Variants in PPP3CA observed in about 807,000 individuals in gnomAD.
The protein encoded by PPP3CA is protein phosphatase 3 catalytic subunit alpha, also known as CAM-PRP catalytic subunit.
A neutral mutation model predicts 66.5 loss-of-function variants in PPP3CA; 14 were observed. The ratio of observed to expected loss-of-function variants is 0.21; its 90% CI spans 0.14 to 0.33. The LOEUF (loss-of-function observed/expected upper bound fraction) is 0.33. Ranked by LOEUF, PPP3CA falls within the 10% of genes least tolerant of loss-of-function variation. The pLI, the probability that PPP3CA is intolerant of heterozygous loss-of-function variation, is 1.00. For synonymous variants in PPP3CA, 232 were observed against 226.2 expected (o/e 1.03, Z -0.23); for missense variants, 317 against 639.5 (o/e 0.50, Z 5.44).
chr4:101,047,732 A>G (rs1039725150), intron 10 of PPP3CA, among the ~76,000 whole-genome samples: 9 of 152,086 alleles, frequency 5.9e-5, no homozygotes, highest in Non-Finnish European at 8.8e-5. Context: ...GGTTACAGGT[A>G]TGCTAAACTT....
chr4:101,075,772 C>T (rs1283232781), intron 8 of PPP3CA, among the ~76,000 whole-genome samples: 4 of 152,136 alleles, frequency 2.6e-5, no homozygotes, highest in Admixed American at 2.6e-4. Context: ...CAATTAGTCC[C>T]CATAGACTAA....
At chr4:101,284,168 T>C (rs1727765798) in intron 1 of PPP3CA, among the ~76,000 whole-genome samples, 1 of 152,196 alleles carries the variant, frequency 6.6e-6, no homozygotes, top group African/African-American at 2.4e-5. Flanking sequence ...GTTTGTTTTA[T>C]GTGTCTTTGG....
At chr4:101,271,297 T>C (rs558514000) in intron 1 of PPP3CA, among the ~76,000 whole-genome samples, 1 of 152,264 alleles carries the variant, frequency 6.6e-6, no homozygotes, top group Non-Finnish European at 1.5e-5. Flanking sequence ...TAAAATCCTT[T>C]CAGTAATTAT....
intron 1 of PPP3CA, among the ~76,000 whole-genome samples, chr4:101,342,136 G>A (rs1232762736): frequency 6.6e-6 from 1 of 151,986 alleles, no homozygotes; most frequent in African/African-American, 2.4e-5. Context: ...ATTTTAAAAG[G>A]CATATTTTTA....
intron 1 of PPP3CA, among the ~76,000 whole-genome samples, chr4:101,224,649 C>A (rs1036928612): frequency 6.6e-6 from 1 of 151,706 alleles, no homozygotes; most frequent in East Asian, 1.9e-4. Flanking sequence ...CCTGCCGTAG[C>A]TAATTTGAGG....
intron 2 of PPP3CA, among the ~76,000 whole-genome samples, chr4:101,175,900 C>T (rs1724043561): frequency 6.6e-6 from 1 of 152,016 alleles, no homozygotes; most frequent in African/African-American, 2.4e-5. Flanking sequence ...TTCCATTTTC[C>T]ACAGGAAATA....
Position 101,154,358 on chromosome 4 carries a change from A to C in PPP3CA, c.259+41558T>G, listed in dbSNP as rs114439929. Among the ~76,000 whole-genome samples the C allele has an allele frequency of 8.6e-3, 1,314 of 152,330 alleles. 11 individuals carry two copies. Among genetic ancestry groups the C allele is most frequent in the African/African-American group, 0.03 (1,258 of 41,564 alleles). On this transcript the variant is annotated intron_variant, in intron 2 of 13. Coordinates refer to ENST00000394854, the MANE Select transcript of PPP3CA (RefSeq NM_000944.5). The stretch of plus-strand genomic sequence containing the variant: ...TCAAGTAACAGAATTCTGACTAGTA[A>C]ATTTATAAACAGTATCAAAATTTAA...
chr4:101,285,288 T>A (rs1016303592), intron 1 of PPP3CA, among the ~76,000 whole-genome samples: 1 of 152,196 alleles, frequency 6.6e-6, no homozygotes, highest in Admixed American at 6.5e-5. Flanking sequence ...AATCATATCT[T>A]ATCAAGTAGT....
At chr4:101,092,578 C>T (rs1047035090) in intron 6 of PPP3CA, among the ~76,000 whole-genome samples, 2 of 151,970 alleles carry the variant, frequency 1.3e-5, no homozygotes, top group Non-Finnish European at 2.9e-5. Flanking sequence ...TAATAATATC[C>T]TTCCCCTAGC....
chr4:101,235,940 A>T lies in PPP3CA; in HGVS notation c.59-39824T>A, dbSNP rs553158292. Among the ~76,000 whole-genome samples, 5 of 152,024 alleles carry T rather than the reference A, an allele frequency of 3.3e-5. No homozygotes were observed. The South Asian group carries it at 1.0e-3, about 32-fold the overall frequency. ...TCTGCATTTAAAGGGCCTAAAAACA[A>T]AAAGCAAGTAAAAATGTCAAATTCA... On this transcript the variant is annotated intron_variant, in intron 1 of 13. Transcript: ENST00000394854.
In PPP3CA at chr4:101,143,283, C is replaced by T. The variant is rs531486029; in HGVS notation, c.260-34205G>A. Among the ~76,000 whole-genome samples, 4 of 152,214 alleles carry T rather than the reference C, an allele frequency of 2.6e-5. No homozygotes were observed. The South Asian group carries it at 8.3e-4, about 32-fold the overall frequency. On this transcript the variant is annotated intron_variant, in intron 2 of 13. Coordinates refer to ENST00000394854, the MANE Select transcript of PPP3CA (RefSeq NM_000944.5). ...GACTATTTTCTCAAGGATCACACTC[C>T]ATCATCAATTATTTACTCCCTTTCT...
intron 2 of PPP3CA, among the ~76,000 whole-genome samples, chr4:101,174,485 T>C (rs1578521229): frequency 6.6e-6 from 1 of 152,320 alleles, no homozygotes; most frequent in Middle Eastern, 3.4e-3. Context: ...TTCTAAAACA[T>C]CTTCTTGAAT....
intron 1 of PPP3CA, among the ~76,000 whole-genome samples, chr4:101,223,771 A>G (rs895675236): frequency 1.3e-5 from 2 of 151,934 alleles, no homozygotes; most frequent in African/African-American, 4.8e-5. Flanking sequence ...TAATATCATT[A>G]TAACAGCAAC....
intron 2 of PPP3CA, among the ~76,000 whole-genome samples, chr4:101,155,926 A>G (rs954456977): frequency 1.3e-5 from 2 of 152,214 alleles, no homozygotes; most frequent in African/African-American, 4.8e-5. Context: ...ATATTCATTG[A>G]GCTCTTATCA....
chr4:101,302,241 T>C (rs778664886), intron 1 of PPP3CA, among the ~76,000 whole-genome samples: 1 of 152,188 alleles, frequency 6.6e-6, no homozygotes, highest in Non-Finnish European at 1.5e-5. Context: ...GCTCCCTCAT[T>C]AGCCAGCTGT....
At chr4:101,161,825 C>A (rs1013106463) in intron 2 of PPP3CA, among the ~76,000 whole-genome samples, 1 of 152,092 alleles carries the variant, frequency 6.6e-6, no homozygotes, top group Non-Finnish European at 1.5e-5. Flanking sequence ...CACTAGCATA[C>A]CATAATAGGA....
At chr4:101,339,220 T>G (rs776315276) in intron 1 of PPP3CA, among the ~76,000 whole-genome samples, 14 of 152,200 alleles carry the variant, frequency 9.2e-5, no homozygotes, top group Non-Finnish European at 1.8e-4. Flanking sequence ...GGAAAGAGGT[T>G]TTTTCCAATT....
chr4:101,178,141 G>C (rs570546272), intron 2 of PPP3CA, among the ~76,000 whole-genome samples: 1 of 152,176 alleles, frequency 6.6e-6, no homozygotes, highest in South Asian at 2.1e-4. Flanking sequence ...GAGCATGTTA[G>C]GTAACTTGTG....
chr4:101,179,018 T>A (rs1724152470), intron 2 of PPP3CA, among the ~76,000 whole-genome samples: 1 of 152,158 alleles, frequency 6.6e-6, no homozygotes, highest in Non-Finnish European at 1.5e-5. Flanking sequence ...AACCTAAGTC[T>A]ATTGGTCAAA....
Sources: gnomAD v4.1 joint callset for allele counts (sites outside exome capture counted in the v4.1 genomes callset) on GRCh38, gnomAD v4.1.1 for gene constraint, MANE v1.5 for transcripts, NCBI Gene and HGNC (gene_info 2026-07-23, HGNC 2026-07-21) for gene names.